The following TEAD1 variants were observed in gnomAD, a reference collection of about 807,000 sequenced individuals.
The protein encoded by TEAD1 is transcriptional enhancer factor TEF-1.
In TEAD1, 9 loss-of-function variants were observed where a neutral mutation model predicts 54.9. That is an observed-to-expected ratio of 0.16 (90% CI 0.10 to 0.29). TEAD1 has a LOEUF of 0.29. Among genes scored for constraint, TEAD1 ranks in the 10% least tolerant of loss-of-function variants. The pLI is 1.00. For synonymous variants in TEAD1, 200 were observed against 187.8 expected, an observed-to-expected ratio of 1.07 and a Z score of -0.53; for missense variants, 387 against 535.9, an observed-to-expected ratio of 0.72 and a Z score of 2.74.
At chr11:12,770,994 C>T (rs1945300317) in intron 3 of TEAD1, among the ~76,000 whole-genome samples, 1 of 152,198 alleles carries the variant, frequency 6.6e-6, no homozygotes, top group South Asian at 2.1e-4. Context: ...TGGACCCTTT[C>T]CCCCAGAAAA....
At position 12,827,853 on chromosome 11, in the gene TEAD1, ACTT is replaced by A. The variant is rs549562515; in HGVS notation, c.203-34393_203-34391del. Among the ~76,000 whole-genome samples the A allele has an allele frequency of 2.5e-3, 376 of 152,300 alleles. 8 individuals are homozygous for A. The highest frequency in any genetic ancestry group is 0.023 in the Admixed American group (348 of 15,300). The stretch of plus-strand genomic sequence containing the variant: ...ACTCTCTGGAAAGAAACGTTTAGGG[ACTT>A]CTTGTGTTGTGCCTGTTGTGCCAGG... On this transcript the variant is annotated intron_variant, in intron 3 of 12. Coordinates refer to ENST00000527636, the MANE Select transcript of TEAD1 (RefSeq NM_021961.6).
At chr11:12,698,813 G>A (rs1943638934) in intron 2 of TEAD1, among the ~76,000 whole-genome samples, 1 of 152,194 alleles carries the variant, frequency 6.6e-6, no homozygotes, top group Non-Finnish European at 1.5e-5. Context: ...GTTTTGAGAA[G>A]CATTGCTATA....
intron 3 of TEAD1, among the ~76,000 whole-genome samples, chr11:12,798,378 CTT>C (rs1945980988): frequency 6.6e-6 from 1 of 152,138 alleles, no homozygotes; most frequent in Admixed American, 6.6e-5. Flanking sequence ...TTTGATTTCA[CTT>C]ATATTGATTT....
In TEAD1 at chr11:12,894,790, G is replaced by A. The variant is rs943859298; in HGVS notation, c.700-7150G>A. On this transcript the variant is annotated intron_variant, in intron 9 of 12. Coordinates refer to ENST00000527636, the MANE Select transcript of TEAD1 (RefSeq NM_021961.6). Reference sequence around the variant, plus strand: ...GACCGTATTGATTTCACATTATTTCGTCCAAAGTAAAGAAACATCATGATT... The same window carrying A: ...GACCGTATTGATTTCACATTATTTCATCCAAAGTAAAGAAACATCATGATT... 3.9e-5 allele frequency among the ~76,000 whole-genome samples: 6 copies of A among 152,060 alleles called. 1 individual carries two copies. Among genetic ancestry groups the A allele is most frequent in the Non-Finnish European group, 8.8e-5 (6 of 68,022 alleles).
chr11:12,872,038 A>G (rs565248463), intron 5 of TEAD1, among the ~76,000 whole-genome samples: 2 of 152,176 alleles, frequency 1.3e-5, no homozygotes, highest in Non-Finnish European at 2.9e-5. Flanking sequence ...TTATGATTTG[A>G]TTTCTGAACA....
At chr11:12,822,821 G>A (rs1946580212) in intron 3 of TEAD1, among the ~76,000 whole-genome samples, 1 of 152,144 alleles carries the variant, frequency 6.6e-6, no homozygotes, top group Non-Finnish European at 1.5e-5. Flanking sequence ...AGAGAACCAT[G>A]CAATTATCTC....
At chr11:12,808,990 T>G (rs968424342) in intron 3 of TEAD1, among the ~76,000 whole-genome samples, 1 of 152,174 alleles carries the variant, frequency 6.6e-6, no homozygotes, top group African/African-American at 2.4e-5. Flanking sequence ...GGTTTGGAAT[T>G]GGGAATTTTC....
chr11:12,862,430 A>G, intron 4 of TEAD1, 116 bp downstream of exon 4: 2 of 849,660 alleles, frequency 2.4e-6, no homozygotes, highest in Non-Finnish European at 4.0e-6. Flanking sequence ...GTTCCCTGTA[A>G]GGACGTCAGT....
chr11:12,868,949 G>A (rs763904597), intron 5 of TEAD1, among the ~76,000 whole-genome samples: 1 of 152,208 alleles, frequency 6.6e-6, no homozygotes, highest in Non-Finnish European at 1.5e-5. Flanking sequence ...GATTCATTCT[G>A]GGAGTGAGGG....
chr11:12,866,454 A>T (rs1378060991), intron 5 of TEAD1, among the ~76,000 whole-genome samples: 2 of 152,190 alleles, frequency 1.3e-5, no homozygotes, highest in Non-Finnish European at 2.9e-5. Context: ...GTGATATAGG[A>T]AGCACTCTTT....
chr11:12,920,767 TGAAA>T (rs1370146835), intron 10 of TEAD1, among the ~76,000 whole-genome samples: 8 of 152,298 alleles, frequency 5.3e-5, no homozygotes, highest in South Asian at 4.1e-4. Context: ...AATTTAAAGT[TGAAA>T]GAAAGAAAAA....
At chr11:12,845,388 GTGTGCGC>G (rs1485609652) in intron 3 of TEAD1, among the ~76,000 whole-genome samples, 4 of 152,192 alleles carry the variant, frequency 2.6e-5, no homozygotes, top group Non-Finnish European at 5.9e-5. Context: ...TATCGTGTGT[GTGTGCGC>G]ACACGCACAC....
At chr11:12,843,176 T>C (rs991603160) in intron 3 of TEAD1, among the ~76,000 whole-genome samples, 3 of 152,222 alleles carry the variant, frequency 2.0e-5, no homozygotes, top group African/African-American at 7.2e-5. Flanking sequence ...CCTTTCTTGG[T>C]CTTGGGAGGG....
At chr11:12,803,069 CAG>C (rs1351988631) in intron 3 of TEAD1, among the ~76,000 whole-genome samples, 1 of 151,398 alleles carries the variant, frequency 6.6e-6, no homozygotes, top group African/African-American at 2.4e-5. Context: ...TCTGGGAAAA[CAG>C]AAGTTGCGCC....
chr11:12,743,164 C>G (rs1258281544), intron 2 of TEAD1, among the ~76,000 whole-genome samples: 1 of 152,192 alleles, frequency 6.6e-6, no homozygotes. Flanking sequence ...GATCCACATA[C>G]TAGTTATCTG....
rs1399097208 is a variant in TEAD1 at position 12,939,029 on chromosome 11, TGTG to T, written c.*1810_*1812del. ...TCTATTATTACATCAGTCAGCATCT[TGTG>T]GTCCCTAACATGAGGATGTGGCTGG... On this transcript the variant is annotated 3_prime_UTR_variant, in exon 13 of 13. Transcript: ENST00000527636. The T allele has an allele frequency of 6.6e-6, 1 of 152,256 alleles. No individual in the cohort carries two copies. Among genetic ancestry groups the T allele is most frequent in the Non-Finnish European group, 1.5e-5 (1 of 68,084 alleles). 9.4% of individuals were successfully genotyped at this position (152,256 alleles called of 1,614,324 possible). A position where few individuals can be genotyped will look rare whatever the true frequency, so the allele number is the denominator to read the frequency against.
intron 10 of TEAD1, among the ~76,000 whole-genome samples, chr11:12,905,511 G>A (rs1244751865): frequency 6.6e-6 from 1 of 152,154 alleles, no homozygotes; most frequent in East Asian, 1.9e-4. Flanking sequence ...TAAAATAAAG[G>A]AGGGAAGGCA....
At chr11:12,872,408 T>G (rs1042067466) in intron 5 of TEAD1, among the ~76,000 whole-genome samples, 1 of 152,256 alleles carries the variant, frequency 6.6e-6, no homozygotes, top group African/African-American at 2.4e-5. Context: ...TAATCTTTCC[T>G]GGCATTTCCC....
intron 3 of TEAD1, among the ~76,000 whole-genome samples, chr11:12,858,699 A>T (rs1327457892): frequency 6.6e-6 from 1 of 152,242 alleles, no homozygotes; most frequent in Non-Finnish European, 1.5e-5. Context: ...CAAGGACATG[A>T]GAGTGAAGAT....
Sources: allele counts gnomAD v4.1 joint callset (sites outside exome capture counted in the v4.1 genomes callset), GRCh38; gene constraint gnomAD v4.1.1; transcripts MANE v1.5; gene names NCBI Gene and HGNC (gene_info 2026-07-23, HGNC 2026-07-21).